OGDH: variants seen among roughly 807,000 people sequenced by gnomAD.
The protein encoded by OGDH is 2-oxoglutarate dehydrogenase complex component E1.
In OGDH, 38 loss-of-function variants were observed where a neutral mutation model predicts 116.6. The ratio of observed to expected loss-of-function variants is 0.33; its 90% CI spans 0.25 to 0.43. The LOEUF is 0.43. OGDH is among the 20% of genes least tolerant of loss of function. The pLI, the probability that OGDH is intolerant of heterozygous loss-of-function variation, is 1.00. For synonymous variants in OGDH, 488 were observed against 533.3 expected, an observed-to-expected ratio of 0.92 and a Z score of 1.17; for missense variants, 825 against 1,357.2, an observed-to-expected ratio of 0.61 and a Z score of 6.16.
intron 12 of OGDH, among the ~76,000 whole-genome samples, 161 bp from the exon 13 acceptor site, chr7:44,695,864 G>C (rs1219248874): frequency 6.6e-6 from 1 of 152,164 alleles, no homozygotes; most frequent in Non-Finnish European, 1.5e-5. Context: ...GAGATGTTTT[G>C]CATCCACGAA....
intron 9 of OGDH, among the ~76,000 whole-genome samples, chr7:44,677,879 A>G (rs916001425): frequency 2.1e-5 from 3 of 140,080 alleles, no homozygotes; most frequent in Non-Finnish European, 3.1e-5. Flanking sequence ...TTCTCAAAGG[A>G]AAAAAAAAAA....
At chr7:44,675,403 G>GA in intron 8 of OGDH, 135 bp downstream of exon 8, 1 of 753,890 alleles carries the variant, frequency 1.3e-6, no homozygotes, top group Non-Finnish European at 2.3e-6. Context: ...CTTGTTGGGA[G>GA]AATTTTAGTG....
chr7:44,687,154 G>A (rs1788168669), intron 10 of OGDH, among the ~76,000 whole-genome samples: 1 of 136,946 alleles, frequency 7.3e-6, no homozygotes, highest in South Asian at 2.3e-4. Flanking sequence ...CTAGAGTGCA[G>A]TGGAGTGATC....
At chr7:44,680,539 TAC>T (rs56718274) in intron 9 of OGDH, among the ~76,000 whole-genome samples, 5,283 of 145,210 alleles carry the variant, frequency 0.036, 118 homozygotes, top group African/African-American at 0.071. Flanking sequence ...TTTTATTGCA[TAC>T]ACACACACAC....
intron 10 of OGDH, among the ~76,000 whole-genome samples, chr7:44,691,268 G>T (rs1788352218): frequency 6.6e-6 from 1 of 152,126 alleles, no homozygotes; most frequent in African/African-American, 2.4e-5. Flanking sequence ...GCTCAAACCT[G>T]TTCCCAATAC....
intron 10 of OGDH, among the ~76,000 whole-genome samples, chr7:44,682,145 A>G (rs1324429482): frequency 1.3e-5 from 2 of 152,194 alleles, no homozygotes; most frequent in African/African-American, 4.8e-5. Flanking sequence ...CTGTAATCCC[A>G]GCACTTTGGG....
chr7:44,670,825 A>G (rs1451459599), intron 5 of OGDH, among the ~76,000 whole-genome samples: 4 of 152,034 alleles, frequency 2.6e-5, no homozygotes, highest in Admixed American at 6.6e-5. Context: ...CCTAGCTAAC[A>G]CAGTGAAACC....
chr7:44,615,124 C>T (rs1784720537), intron 1 of OGDH, among the ~76,000 whole-genome samples: 1 of 152,172 alleles, frequency 6.6e-6, no homozygotes, highest in African/African-American at 2.4e-5. Flanking sequence ...AGCCACCATG[C>T]CCGGACAAGA....
intron 10 of OGDH, 117 bp downstream of exon 10, chr7:44,681,965 A>G: frequency 7.3e-7 from 1 of 1,374,234 alleles, no homozygotes; most frequent in Non-Finnish European, 9.9e-7. Context: ...TGTTATTAAA[A>G]ACCAGGTGCA....
At chr7:44,624,824 G>A (rs898113797) in intron 2 of OGDH, among the ~76,000 whole-genome samples, 2 of 151,644 alleles carry the variant, frequency 1.3e-5, no homozygotes, top group South Asian at 2.1e-4. Flanking sequence ...CAGCATCTCC[G>A]CAAGGGCTGC....
chr7:44,669,830 A>G (rs937720527), intron 5 of OGDH, among the ~76,000 whole-genome samples: 1 of 152,158 alleles, frequency 6.6e-6, no homozygotes, highest in African/African-American at 2.4e-5. Flanking sequence ...ACAACAGTTT[A>G]CAGACATTTG....
At position 44,687,037 on chromosome 7, in the gene OGDH, TTCTTTGGGATTTC is replaced by T. The variant is rs1162835579; in HGVS notation, c.1335+5191_1335+5203del. The stretch of plus-strand genomic sequence containing the variant: ...AAGTTTGATGTATCTTGGCATGAAT[TTCTTTGGGATTTC>T]TGTTTGGGATATGCTCATGTTTTTA... On this transcript the variant is annotated intron_variant, in intron 10 of 22. Transcript: ENST00000222673. 2.6e-5 allele frequency among the ~76,000 whole-genome samples: 4 copies of T among 151,540 alleles called. No homozygotes were observed. In the East Asian group the frequency reaches 7.8e-4, roughly 29 times the overall value.
At position 44,624,341 on chromosome 7, in the gene OGDH, A is replaced by C. The variant is rs989442151; in HGVS notation, c.-3A>C. On this transcript the variant is annotated 5_prime_UTR_variant, in exon 2 of 23. Transcript: ENST00000222673. ...GGCAGTTGTGAAAAACTTCAGGACA[A>C]AAATGTTTCATTTAAGGACTTGTGC... The C allele has an allele frequency of 1.0e-5, 16 of 1,606,466 alleles. No individual in the cohort carries two copies. In the Admixed American group the frequency reaches 2.4e-4, roughly 24 times the overall value.
chr7:44,623,990 C>G (rs1785102216), intron 1 of OGDH, among the ~76,000 whole-genome samples: 1 of 152,048 alleles, frequency 6.6e-6, no homozygotes, highest in Admixed American at 6.6e-5. Flanking sequence ...CAACTGTGCA[C>G]TCACCTTCCT....
At chr7:44,610,431 G>A (rs1304978982) in intron 1 of OGDH, among the ~76,000 whole-genome samples, 8 of 151,974 alleles carry the variant, frequency 5.3e-5, no homozygotes, top group Non-Finnish European at 1.0e-4. Flanking sequence ...AGCCTCCTGA[G>A]TAGCTGGGAT....
At chr7:44,658,301 A>C (rs2115947478) in intron 4 of OGDH, among the ~76,000 whole-genome samples, 1 of 152,236 alleles carries the variant, frequency 6.6e-6, no homozygotes, top group South Asian at 2.1e-4. Context: ...TTTTCAGCAT[A>C]TACATTGTGT....
intron 1 of OGDH, among the ~76,000 whole-genome samples, chr7:44,610,747 C>T (rs1234462498): frequency 6.6e-6 from 1 of 152,134 alleles, no homozygotes; most frequent in African/African-American, 2.4e-5. Flanking sequence ...GCTGGGACTA[C>T]AGCCGCGTGC....
intron 1 of OGDH, among the ~76,000 whole-genome samples, chr7:44,608,738 A>G (rs1001859893): frequency 2.6e-5 from 4 of 152,182 alleles, no homozygotes; most frequent in Non-Finnish European, 5.9e-5. Context: ...AAAGGAAAGA[A>G]AAAACTACAG....
In OGDH at chr7:44,694,565, C is replaced by A; in HGVS notation, c.1657C>A (p.Pro553Thr). Residue 553 changes from proline to threonine, a missense_variant, in exon 12 of 23, where the codon CCT becomes ACT. Transcript: ENST00000222673. This position sits in a 1 kb window ranked among gnomAD's most constrained non-coding sequence, Gnocchi z 4.2. ...GGTGTCGCAGGGTGTGGTCAACCAG[C>A]CTGAGTATGAGGTACGTCCCTGCGG... ...LLVSQGVVNQ[P>T]EYEEEISKYD... 1 of 1,614,098 alleles carries A rather than the reference C, an allele frequency of 6.2e-7. No homozygotes were observed.
Sources: allele counts gnomAD v4.1 joint callset (sites outside exome capture counted in the v4.1 genomes callset), GRCh38; gene constraint gnomAD v4.1.1; non-coding constraint Gnocchi (gnomAD v3.1); transcripts MANE v1.5; gene names NCBI Gene and HGNC (gene_info 2026-07-23, HGNC 2026-07-21).